The following EPHX2 variants were observed in gnomAD, a reference collection of about 807,000 sequenced individuals.
EPHX2 encodes bifunctional epoxide hydrolase 2.
In EPHX2, 74 loss-of-function variants were observed where a neutral mutation model predicts 78.7. That is an observed-to-expected ratio of 0.94 (90% confidence interval 0.78 to 1.14). The LOEUF is 1.14. Among genes scored for constraint, EPHX2 ranks in the 50% most tolerant of loss-of-function variants. The pLI is 0.00. For missense variants in EPHX2, 715 were observed against 702.5 expected, an observed-to-expected ratio of 1.02 and a Z score of -0.20; for synonymous variants, 251 against 255.2, an observed-to-expected ratio of 0.98 and a Z score of 0.16.
chr8:27,511,368 C>T (rs1159751166), intron 5 of EPHX2, among the ~76,000 whole-genome samples: 10 of 152,230 alleles, frequency 6.6e-5, no homozygotes, highest in South Asian at 2.1e-4. Context: ...TCCAAATTCT[C>T]TCGCTTAGAG....
chr8:27,511,261 G>A (rs1303328022), intron 5 of EPHX2, among the ~76,000 whole-genome samples: 2 of 152,280 alleles, frequency 1.3e-5, no homozygotes. Context: ...GCAGAGCTGT[G>A]CTGGAGTGAC....
chr8:27,494,157 A>C (rs73227315), intron 1 of EPHX2, among the ~76,000 whole-genome samples: 16 of 152,190 alleles, frequency 1.1e-4, no homozygotes, highest in Non-Finnish European at 2.2e-4. Flanking sequence ...AGGAGTTACT[A>C]TGATCAGTTG....
intron 10 of EPHX2, among the ~76,000 whole-genome samples, chr8:27,521,204 T>C (rs1322392295): frequency 3.9e-5 from 6 of 152,126 alleles, no homozygotes; most frequent in African/African-American, 1.4e-4. Context: ...GTTTGGAAAA[T>C]ACCCCATAGG....
chr8:27,526,383 C>T (rs999341106), intron 12 of EPHX2, among the ~76,000 whole-genome samples: 2 of 152,248 alleles, frequency 1.3e-5, no homozygotes, highest in Non-Finnish European at 2.9e-5. Flanking sequence ...CTCGACATGT[C>T]GCATCCCACA....
chr8:27,546,812 T>C (rs903294391), downstream of EPHX2, among the ~76,000 whole-genome samples: 5 of 152,314 alleles, frequency 3.3e-5, no homozygotes, highest in East Asian at 9.6e-4. Flanking sequence ...TATCGGTCTG[T>C]TCTCCCATTG....
At position 27,544,548 on chromosome 8, in the gene EPHX2, A is replaced by G. The variant is rs1361491045; in HGVS notation, c.*26A>G. 1.2e-6 allele frequency: 2 copies of G among 1,612,382 alleles called. No homozygotes were observed. Among genetic ancestry groups the G allele is most frequent in the Admixed American group, 1.7e-5 (1 of 60,032 alleles). ...AACGCAGCGTGTGCCCACGCTCAGC[A>G]GGTGTGCCATCCTTCCACCTGCTGG... On this transcript the variant is annotated 3_prime_UTR_variant, in exon 19 of 19. Coordinates refer to ENST00000521400, the MANE Select transcript of EPHX2 (RefSeq NM_001979.6).
chr8:27,511,972 A>C, intron 6 of EPHX2, 62 bp downstream of exon 6: 1 of 1,518,872 alleles, frequency 6.6e-7, no homozygotes, highest in South Asian at 1.1e-5. Flanking sequence ...TAAAACGACC[A>C]GCAGAGACAC....
Position 27,515,568 on chromosome 8 carries a change from A to C in EPHX2, c.736-150A>C, listed in dbSNP as rs138892190. On this transcript the variant is annotated intron_variant, in intron 6 of 18. Coordinates refer to ENST00000521400, the MANE Select transcript of EPHX2 (RefSeq NM_001979.6). The stretch of plus-strand genomic sequence containing the variant: ...CCAGGGCCTCTTCTCAGCCATTTTC[A>C]TGTAACACTGGGGTCTTTCACTGAG... The C allele has an allele frequency of 1.1e-3, 728 of 638,394 alleles. 3 individuals carry two copies. In the African/African-American group the frequency reaches 0.012, roughly 11 times the overall value. The allele number at this position is 638,394 out of a possible 1,614,324, so 39.5% of individuals were successfully genotyped here.
intron 14 of EPHX2, among the ~76,000 whole-genome samples, chr8:27,539,820 A>C (rs72477585): frequency 5.9e-5 from 9 of 152,312 alleles, no homozygotes; most frequent in African/African-American, 2.2e-4. Context: ...TGACATCCTC[A>C]TCACATACCC....
chr8:27,547,399 T>G (rs1468523127), downstream of EPHX2, among the ~76,000 whole-genome samples: 1 of 152,212 alleles, frequency 6.6e-6, no homozygotes, highest in Non-Finnish European at 1.5e-5. Flanking sequence ...TCAAAATGAT[T>G]TAATTATAAA....
At chr8:27,532,970 C>T (rs1815096487) in intron 12 of EPHX2, among the ~76,000 whole-genome samples, 1 of 151,868 alleles carries the variant, frequency 6.6e-6, no homozygotes, top group Non-Finnish European at 1.5e-5. Context: ...TAAAAGTTAG[C>T]CAGGCATGGT....
At chr8:27,492,234 G>GCTTTCCC (rs1813405880) in intron 1 of EPHX2, among the ~76,000 whole-genome samples, 1 of 152,190 alleles carries the variant, frequency 6.6e-6, no homozygotes, top group South Asian at 2.1e-4. Flanking sequence ...ATGGCAAGTA[G>GCTTTCCC]CTTGAGGGAA....
downstream of EPHX2, among the ~76,000 whole-genome samples, chr8:27,546,543 C>T (rs979222786): frequency 1.3e-5 from 2 of 152,212 alleles, no homozygotes; most frequent in South Asian, 2.1e-4. Flanking sequence ...ATTTTCCTAA[C>T]TGGGTGTATT....
Position 27,515,610 on chromosome 8 carries a change from C to T in EPHX2, c.736-108C>T. On this transcript the variant is annotated intron_variant, in intron 6 of 18. Coordinates refer to ENST00000521400, the MANE Select transcript of EPHX2 (RefSeq NM_001979.6). ...TTCACTGAGAAATCTGGGTCATGCA[C>T]AATCCAGCAACGGACTGAAACGGCC... 4.5e-6 allele frequency: 4 copies of T among 891,268 alleles called. No homozygotes were observed. The South Asian group carries it at 4.6e-5, about 10-fold the overall frequency. 55.2% of individuals were successfully genotyped at this position (891,268 alleles called of 1,614,324 possible). A position where few individuals can be genotyped will look rare whatever the true frequency, so the allele number is the denominator to read the frequency against.
In EPHX2 at chr8:27,528,522, T is replaced by G. The variant is rs559947096; in HGVS notation, c.1170+3049T>G. 1.4e-4 allele frequency among the ~76,000 whole-genome samples: 21 copies of G among 152,284 alleles called. No individual in the cohort carries two copies. In the East Asian group the frequency reaches 3.9e-3, roughly 28 times the overall value. ...TTCCTCATCTGCAAAAGGTTGGTTT[T>G]GGGTGGTTTTCAAACAGGTAATAGC... On this transcript the variant is annotated intron_variant, in intron 12 of 18. Coordinates refer to ENST00000521400, the MANE Select transcript of EPHX2 (RefSeq NM_001979.6).
At chr8:27,507,108 G>A in intron 5 of EPHX2, 114 bp downstream of exon 5, 2 of 1,365,216 alleles carry the variant, frequency 1.5e-6, no homozygotes, top group Admixed American at 2.5e-5. Flanking sequence ...ATGACTCCTG[G>A]GCACCGCTGG....
At chr8:27,513,623 T>C (rs1814336111) in intron 6 of EPHX2, among the ~76,000 whole-genome samples, 1 of 152,170 alleles carries the variant, frequency 6.6e-6, no homozygotes, top group South Asian at 2.1e-4. Context: ...ACTGGGTTGA[T>C]AATAGATCTT....
At chr8:27,515,960 ACTCCAGACCTCAGGG>A (rs1814434778) in intron 7 of EPHX2, 147 bp downstream of exon 7, 2 of 734,660 alleles carry the variant, frequency 2.7e-6, no homozygotes, top group Non-Finnish European at 4.6e-6. Flanking sequence ...CAGGAGGGTG[ACTCCAGACCTCAGGG>A]CTATGTTAGG....
chr8:27,496,893 A>C (rs1389836118), intron 1 of EPHX2, among the ~76,000 whole-genome samples: 1 of 152,146 alleles, frequency 6.6e-6, no homozygotes, highest in Non-Finnish European at 1.5e-5. Flanking sequence ...CTTGTTCCCC[A>C]TATTTATAGA....
Sources: gnomAD v4.1 joint callset for allele counts (sites outside exome capture counted in the v4.1 genomes callset) on GRCh38, gnomAD v4.1.1 for gene constraint, MANE v1.5 for transcripts, NCBI Gene and HGNC (gene_info 2026-07-23, HGNC 2026-07-21) for gene names.